LAMB4: variants seen among roughly 807,000 people sequenced by gnomAD.
LAMB4 encodes the protein laminin subunit beta-4.
Under a neutral mutation model 199.2 loss-of-function variants are expected in LAMB4, and 196 were observed. That is an observed-to-expected ratio of 0.98 (90% confidence interval 0.88 to 1.11). The LOEUF (loss-of-function observed/expected upper bound fraction) is 1.11. Among genes scored for constraint, LAMB4 ranks in the 50% least tolerant of loss-of-function variants. LAMB4 has a pLI of 0.00. For synonymous variants in LAMB4, 744 were observed against 770.6 expected (o/e 0.97, Z 0.57); for missense variants, 2,080 against 2,171.2 (o/e 0.96, Z 0.83).
chr7:108,017,259 A>T, the LAMB4 span, among the ~76,000 whole-genome samples: 1 of 152,178 alleles, frequency 6.6e-6, no homozygotes, highest in Non-Finnish European at 1.5e-5. Context: ...GTAAAGATAA[A>T]GATTATATGT....
rs373625944 is a variant in LAMB4 at position 108,068,115 on chromosome 7, G to A, written c.2347C>T (p.Arg783Ter). 8.7e-6 allele frequency: 14 copies of A among 1,614,020 alleles called. No homozygotes were observed. The South Asian group carries it at 8.8e-5, about 10-fold the overall frequency. Residue 783 changes from arginine to a stop codon, truncating the protein, a stop_gained, in exon 19 of 34, where the codon CGA becomes TGA. Coordinates refer to ENST00000388781, the MANE Select transcript of LAMB4 (RefSeq NM_007356.3). LOFTEE classifies it high-confidence loss of function. Reference protein sequence around the residue: ...PQGSVGSSCSRLGGQCQCKPL... With the variant: ...PQGSVGSSCS Reference sequence around the variant, plus strand: ...TTACACTGGCACTGGCCTCCAAGTCGGCTGCAGCTGGATCCGACTGAGCCC... The same window carrying A: ...TTACACTGGCACTGGCCTCCAAGTCAGCTGCAGCTGGATCCGACTGAGCCC...
intron 24 of LAMB4, among the ~76,000 whole-genome samples, chr7:108,056,993 A>G (rs2036005694): frequency 6.6e-6 from 1 of 150,920 alleles, no homozygotes; most frequent in Non-Finnish European, 1.5e-5. Context: ...AAAAAAAAGC[A>G]TTTGTCAGTT....
At chr7:108,029,984 G>A (rs2034973911) in intron 32 of LAMB4, among the ~76,000 whole-genome samples, 1 of 152,060 alleles carries the variant, frequency 6.6e-6, no homozygotes, top group Admixed American at 6.6e-5. Flanking sequence ...TGGGCGTGGT[G>A]GCACGTGGCT....
intron 23 of LAMB4, among the ~76,000 whole-genome samples, chr7:108,060,448 G>A (rs73424738): frequency 0.033 from 5,063 of 152,228 alleles, 295 homozygotes; most frequent in African/African-American, 0.11. Context: ...TATAAAACAG[G>A]CATGACCATC....
Position 108,052,142 on chromosome 7 carries a change from C to T in LAMB4, c.3871G>A (p.Glu1291Lys). 6.2e-7 allele frequency: 1 copy of T among 1,612,314 alleles called. No homozygotes were observed. The highest frequency in any genetic ancestry group is 8.5e-7 in the Non-Finnish European group (1 of 1,179,270). ...ACACTGGATTGCAAATCAATTTCTTCCTGAAGGTCTTCAAGTAAGAGGTCT... is the reference window on the plus strand; with the variant it reads ...ACACTGGATTGCAAATCAATTTCTTTCTGAAGGTCTTCAAGTAAGAGGTCT... ...EADLLLEDLQEEIDLQSSVLN... is the reference protein window; with the variant it reads ...EADLLLEDLQKEIDLQSSVLN... Residue 1291 changes from glutamate to lysine, a missense_variant, in exon 26 of 34, where the codon GAA becomes AAA. By Grantham distance (56) the Glu-to-Lys change is moderately conservative. Coordinates refer to ENST00000388781, the MANE Select transcript of LAMB4 (RefSeq NM_007356.3).
chr7:108,056,294 TAAG>T (rs2035983852), intron 24 of LAMB4, among the ~76,000 whole-genome samples: 1 of 152,108 alleles, frequency 6.6e-6, no homozygotes. Flanking sequence ...TCTATTTGAG[TAAG>T]AAGTATGATT....
intron 10 of LAMB4, among the ~76,000 whole-genome samples, chr7:108,102,763 G>C (rs562970226): frequency 4.5e-4 from 68 of 152,286 alleles, no homozygotes; most frequent in African/African-American, 1.6e-3. Flanking sequence ...TTACCACTTT[G>C]GTTCCTCCCC....
Position 108,099,930 on chromosome 7 carries a change from A to G in LAMB4, c.1181-1348T>C, listed in dbSNP as rs73424783. ...GACTTACTATGAAAAAATAGCATTG[A>G]GTTCTGTTTAGTTTGGAAAAGCCAC... is the stretch of plus-strand genomic sequence containing the variant. On this transcript the variant is annotated intron_variant, in intron 10 of 33. Coordinates refer to ENST00000388781, the MANE Select transcript of LAMB4 (RefSeq NM_007356.3). 2.4e-4 allele frequency among the ~76,000 whole-genome samples: 37 copies of G among 152,326 alleles called. 1 individual carries two copies. The highest frequency in any genetic ancestry group is 7.9e-4 in the African/African-American group (33 of 41,568).
chr7:108,096,795 G>T (rs540368610), intron 11 of LAMB4, among the ~76,000 whole-genome samples: 1 of 150,762 alleles, frequency 6.6e-6, no homozygotes, highest in East Asian at 1.9e-4. Flanking sequence ...AAATTAGATG[G>T]CTGTGGTGGC....
chr7:108,085,032 C>A (rs1319117784), intron 14 of LAMB4, among the ~76,000 whole-genome samples: 1 of 152,050 alleles, frequency 6.6e-6, no homozygotes, highest in African/African-American at 2.4e-5. Flanking sequence ...AGCAACCATG[C>A]CAGGCCCCAT....
At chr7:108,033,599 G>A (rs1254859413) in intron 31 of LAMB4, among the ~76,000 whole-genome samples, 1 of 152,002 alleles carries the variant, frequency 6.6e-6, no homozygotes, top group African/African-American at 2.4e-5. Context: ...CATAGAGACG[G>A]GGTTTCACCA....
At chr7:108,044,738 A>G (rs1325420401) in intron 28 of LAMB4, among the ~76,000 whole-genome samples, 2 of 152,152 alleles carry the variant, frequency 1.3e-5, no homozygotes, top group Non-Finnish European at 2.9e-5. Flanking sequence ...AGATCACTTG[A>G]GGTTAGGAGT....
intron 17 of LAMB4, among the ~76,000 whole-genome samples, chr7:108,072,943 C>T (rs1213924636): frequency 1.3e-5 from 2 of 152,132 alleles, no homozygotes; most frequent in African/African-American, 2.4e-5. Context: ...TTGGTCTGAG[C>T]CATTGATAGT....
At chr7:108,031,189 G>A (rs1432651031) in intron 31 of LAMB4, among the ~76,000 whole-genome samples, 2 of 151,442 alleles carry the variant, frequency 1.3e-5, no homozygotes, top group African/African-American at 4.8e-5. Context: ...GCCTAGCGTG[G>A]GGTGCATGCC....
the LAMB4 span, among the ~76,000 whole-genome samples, chr7:108,014,383 C>T: frequency 3.9e-5 from 6 of 152,184 alleles, no homozygotes; most frequent in East Asian, 1.9e-4. Context: ...ACAGTAGCCA[C>T]GATTAATTTT....
downstream of LAMB4, among the ~76,000 whole-genome samples, chr7:108,022,288 G>A (rs1481898882): frequency 6.6e-6 from 1 of 152,172 alleles, no homozygotes; most frequent in African/African-American, 2.4e-5. Context: ...TTTATTGTTA[G>A]TTACTTAGCT....
rs749638865 is a variant in LAMB4, at chr7:108,065,754, C to T, written c.2836+8G>A. 1.1e-5 allele frequency: 17 copies of T among 1,612,750 alleles called. No individual in the cohort carries two copies. The South Asian group carries it at 1.9e-4, about 18-fold the overall frequency. ...AGAAAAAATTGCATCAAGCACTATA[C>T]TGCATACCCGTATAACCTTGAAGAC... On this transcript the variant is annotated splice_region_variant and intron_variant, in intron 21 of 33. Transcript: ENST00000388781.
At chr7:108,056,971 CAAAA>C (rs553536221) in intron 24 of LAMB4, among the ~76,000 whole-genome samples, 9 of 51,800 alleles carry the variant, frequency 1.7e-4, no homozygotes, top group Admixed American at 2.0e-4. Context: ...GACCCTGTCT[CAAAA>C]AAAAAAAAAA....
intron 19 of LAMB4, 72 bp downstream of exon 19, chr7:108,067,944 C>A (rs1454272643): frequency 6.3e-7 from 1 of 1,588,568 alleles, no homozygotes; most frequent in Admixed American, 1.7e-5. Context: ...AAACCCCCCT[C>A]CATGACTTTG....
Sources: gnomAD v4.1 joint callset for allele counts (sites outside exome capture counted in the v4.1 genomes callset) on GRCh38, gnomAD v4.1.1 for gene constraint, MANE v1.5 for transcripts, NCBI Gene and HGNC (gene_info 2026-07-23, HGNC 2026-07-21) for gene names.